Variants in CDH2 observed in about 807,000 individuals in gnomAD.
The protein encoded by CDH2 is cadherin 2, also known as cadherin-2.
Under a neutral mutation model 92.0 loss-of-function variants are expected in CDH2, and 17 were observed. The observed-to-expected ratio is 0.18, with a 90% CI of 0.13 to 0.28. CDH2 has a LOEUF of 0.28. Ranked by LOEUF, CDH2 falls within the 10% of genes least tolerant of loss-of-function variation. The pLI, the probability that CDH2 is intolerant of heterozygous loss-of-function variation, is 1.00. For synonymous variants in CDH2, 419 were observed against 415.9 expected (o/e 1.01, Z -0.09); for missense variants, 862 against 1,133.1 (o/e 0.76, Z 3.44).
chr18:27,943,948 C>T (rs568972667), intron 6 of CDH2, among the ~76,000 whole-genome samples: 1 of 152,234 alleles, frequency 6.6e-6, no homozygotes, highest in Non-Finnish European at 1.5e-5. Flanking sequence ...AAAAGGAAAA[C>T]ATTTCCGTCA....
chr18:28,104,353 G>A (rs972843348), intron 2 of CDH2, among the ~76,000 whole-genome samples: 2 of 152,042 alleles, frequency 1.3e-5, no homozygotes, highest in Non-Finnish European at 2.9e-5. Context: ...TTTGATAACA[G>A]GAAAATGGAG....
chr18:28,146,146 A>ACTT (rs1361063750), intron 2 of CDH2: 3 of 152,134 alleles, frequency 2.0e-5, no homozygotes, highest in Non-Finnish European at 4.4e-5. Flanking sequence ...GTGACACACC[A>ACTT]TGTGTTTACT....
At chr18:28,125,507 T>C (rs2015662320) in intron 2 of CDH2, among the ~76,000 whole-genome samples, 1 of 152,116 alleles carries the variant, frequency 6.6e-6, no homozygotes, top group Admixed American at 6.6e-5. Flanking sequence ...ATGGCAAACC[T>C]AATCCAAAAA....
intron 1 of CDH2, among the ~76,000 whole-genome samples, chr18:28,168,371 A>G (rs1440913100): frequency 6.6e-6 from 1 of 152,172 alleles, no homozygotes; most frequent in Non-Finnish European, 1.5e-5. Context: ...TAACATTATT[A>G]GTGTGCGAAA....
intron 2 of CDH2, among the ~76,000 whole-genome samples, chr18:28,030,727 G>C (rs1229712259): frequency 6.6e-6 from 1 of 151,976 alleles, no homozygotes; most frequent in East Asian, 1.9e-4. Flanking sequence ...CTGGGCTTGA[G>C]CAAAGGCAGA....
chr18:27,978,090 T>A (rs185260023), intron 14 of CDH2, among the ~76,000 whole-genome samples: 2 of 152,214 alleles, frequency 1.3e-5, no homozygotes, highest in African/African-American at 4.8e-5. Flanking sequence ...GTGTATTTCA[T>A]ACCGCTGAAC....
chr18:28,138,846 G>A (rs2015906427), intron 2 of CDH2, among the ~76,000 whole-genome samples: 1 of 152,110 alleles, frequency 6.6e-6, no homozygotes, highest in Non-Finnish European at 1.5e-5. Flanking sequence ...TTATGCTTCA[G>A]TTAAACTTGA....
chr18:27,950,373 T>C (rs1322310123), downstream of CDH2, among the ~76,000 whole-genome samples: 2 of 152,142 alleles, frequency 1.3e-5, no homozygotes, highest in East Asian at 3.8e-4. Flanking sequence ...GTAAGATACA[T>C]AAACAATTTT....
intron 2 of CDH2, among the ~76,000 whole-genome samples, chr18:28,057,077 C>T (rs993527764): frequency 3.3e-5 from 5 of 152,108 alleles, no homozygotes; most frequent in Non-Finnish European, 7.4e-5. Context: ...GAAGTCTTGT[C>T]ATTCACAGAT....
At chr18:28,120,277 T>C (rs534444686) in intron 2 of CDH2, among the ~76,000 whole-genome samples, 1 of 152,154 alleles carries the variant, frequency 6.6e-6, no homozygotes, top group African/African-American at 2.4e-5. Context: ...ATATATATTT[T>C]GTATGTATGC....
At chr18:27,998,028 C>G (rs1662730) in intron 7 of CDH2, among the ~76,000 whole-genome samples, 77,929 of 151,762 alleles carry the variant, frequency 0.51, 20,117 homozygotes, top group South Asian at 0.61. Context: ...GGATGGTCTC[C>G]ATCTCCTGAC....
At chr18:28,053,285 G>A (rs919873087) in intron 2 of CDH2, among the ~76,000 whole-genome samples, 6 of 152,134 alleles carry the variant, frequency 3.9e-5, no homozygotes, top group Admixed American at 2.0e-4. Context: ...TAGATAACCA[G>A]GCAAGTTAGT....
intron 2 of CDH2, among the ~76,000 whole-genome samples, chr18:28,132,502 C>T (rs1199153934): frequency 2.6e-5 from 4 of 152,024 alleles, no homozygotes; most frequent in East Asian, 3.9e-4. Flanking sequence ...GAGAGAAGGA[C>T]GGAAGGGGGC....
At chr18:28,042,794 A>T (rs961713151) in intron 2 of CDH2, among the ~76,000 whole-genome samples, 1 of 152,218 alleles carries the variant, frequency 6.6e-6, no homozygotes, top group African/African-American at 2.4e-5. Context: ...CTTTTCCAGC[A>T]AAGAAAAAGA....
intron 1 of CDH2, among the ~76,000 whole-genome samples, chr18:28,168,267 G>T (rs1357523419): frequency 1.3e-5 from 2 of 152,042 alleles, no homozygotes; most frequent in East Asian, 3.9e-4. Context: ...AAACAAATCA[G>T]TATCTGTACT....
chr18:28,167,578 C>T (rs1444814516), intron 1 of CDH2, among the ~76,000 whole-genome samples: 3 of 151,992 alleles, frequency 2.0e-5, no homozygotes, highest in Non-Finnish European at 4.4e-5. Context: ...AAAAATCATG[C>T]TGTTGGAAGT....
rs192106695 is a variant in CDH2, at chr18:28,110,942, G to A, written c.172+36731C>T. Among the ~76,000 whole-genome samples, 332 of 152,098 alleles carry A rather than the reference G, an allele frequency of 2.2e-3. 2 individuals are homozygous for A. The highest frequency in any genetic ancestry group is 7.0e-3 in the African/African-American group (289 of 41,494). On this transcript the variant is annotated intron_variant, in intron 2 of 15. Coordinates refer to ENST00000269141, the MANE Select transcript of CDH2 (RefSeq NM_001792.5). ...TCCACTTCTAGATCAAGCAGGACTC[G>A]GAGTACATCAAGCTAAATGAGGTTA...
At chr18:28,104,245 T>C (rs1424677931) in intron 2 of CDH2, among the ~76,000 whole-genome samples, 1 of 152,190 alleles carries the variant, frequency 6.6e-6, no homozygotes. Flanking sequence ...GTATTTACCA[T>C]ATATTCATTA....
chr18:28,150,696 GACT>G (rs1239848089), intron 1 of CDH2, among the ~76,000 whole-genome samples: 2 of 152,042 alleles, frequency 1.3e-5, no homozygotes, highest in African/African-American at 4.8e-5. Flanking sequence ...AATGAATACT[GACT>G]ACTAATATTA....
Sources: gnomAD v4.1 joint callset for allele counts (sites outside exome capture counted in the v4.1 genomes callset) on GRCh38, gnomAD v4.1.1 for gene constraint, MANE v1.5 for transcripts, NCBI Gene and HGNC (gene_info 2026-07-23, HGNC 2026-07-21) for gene names.